Variants in PTPRD observed in about 807,000 individuals in gnomAD.
The protein encoded by PTPRD is protein tyrosine phosphatase receptor type D.
In PTPRD, 34 loss-of-function variants were observed where a neutral mutation model predicts 214.5. The ratio of observed to expected loss-of-function variants is 0.16; its 90% confidence interval spans 0.12 to 0.21. The LOEUF (loss-of-function observed/expected upper bound fraction) is 0.21. Among genes scored for constraint, PTPRD ranks in the 10% least tolerant of loss-of-function variants. PTPRD has a pLI of 1.00. For missense variants in PTPRD, 2,545 were observed against 2,398.7 expected, an observed-to-expected ratio of 1.06 and a Z score of -1.27; for synonymous variants, 1,128 against 845.7, an observed-to-expected ratio of 1.33 and a Z score of -5.79.
At chr9:9,155,069 C>T (rs61394292) in intron 10 of PTPRD, among the ~76,000 whole-genome samples, 8,906 of 152,108 alleles carry the variant, frequency 0.059, 480 homozygotes, top group East Asian at 0.21. Context: ...AATCAAATAA[C>T]GAGATCAAGA....
At chr9:9,969,167 G>C (rs528246262) in intron 4 of PTPRD, among the ~76,000 whole-genome samples, 1 of 152,178 alleles carries the variant, frequency 6.6e-6, no homozygotes, top group East Asian at 1.9e-4. Context: ...GAAATTAGGT[G>C]AAAGGATGAG....
chr9:9,967,265 C>A (rs1032743654), intron 4 of PTPRD, among the ~76,000 whole-genome samples: 1 of 151,322 alleles, frequency 6.6e-6, no homozygotes, highest in Non-Finnish European at 1.5e-5. Flanking sequence ...ATGCACTACA[C>A]TGAATGTTAG....
intron 3 of PTPRD, among the ~76,000 whole-genome samples, chr9:10,145,638 C>G (rs9695293): frequency 0.13 from 19,880 of 152,000 alleles, 1,637 homozygotes; most frequent in African/African-American, 0.22. Context: ...GGAGTAAAAA[C>G]TTATACATGG....
At chr9:9,028,260 C>G (rs1045113759) in intron 10 of PTPRD, among the ~76,000 whole-genome samples, 2 of 151,920 alleles carry the variant, frequency 1.3e-5, no homozygotes, top group Non-Finnish European at 2.9e-5. Flanking sequence ...TTGAAGCTCA[C>G]TAAATTATGT....
intron 9 of PTPRD, among the ~76,000 whole-genome samples, chr9:9,185,666 A>G (rs371157359): frequency 8.5e-5 from 13 of 152,188 alleles, no homozygotes; most frequent in African/African-American, 3.1e-4. Flanking sequence ...GAAAATCCTC[A>G]GGCTCTATTC....
intron 11 of PTPRD, among the ~76,000 whole-genome samples, chr9:8,762,724 C>T (rs1487758210): frequency 1.3e-5 from 2 of 152,168 alleles, no homozygotes; most frequent in Admixed American, 1.3e-4. Context: ...CTTTCTCCAC[C>T]TCCTCTGTTC....
chr9:9,221,517 G>C (rs1335767759), intron 9 of PTPRD, among the ~76,000 whole-genome samples: 1 of 152,064 alleles, frequency 6.6e-6, no homozygotes, highest in Non-Finnish European at 1.5e-5. Flanking sequence ...GGTGCTGGCT[G>C]ATTAGATCTC....
chr9:9,622,558 G>A (rs150593303), intron 7 of PTPRD, among the ~76,000 whole-genome samples: 59 of 152,092 alleles, frequency 3.9e-4, no homozygotes, highest in African/African-American at 1.3e-3. Flanking sequence ...TTTCTGATAC[G>A]CTGCATTTCC....
At chr9:10,418,619 T>G (rs2098517295) in intron 2 of PTPRD, among the ~76,000 whole-genome samples, 1 of 151,906 alleles carries the variant, frequency 6.6e-6, no homozygotes, top group African/African-American at 2.4e-5. Flanking sequence ...CACTCCCACT[T>G]CCACCCTAGA....
At chr9:9,414,023 AATGAGTATTGC>A (rs1284124640) in intron 8 of PTPRD, among the ~76,000 whole-genome samples, 1 of 152,224 alleles carries the variant, frequency 6.6e-6, no homozygotes, top group Non-Finnish European at 1.5e-5. Context: ...TTCCTTTAGA[AATGAGTATTGC>A]ATAGCTCTAT....
At position 9,705,653 on chromosome 9, in the gene PTPRD, A is replaced by G. The variant is rs111863559; in HGVS notation, c.-287+28880T>C. Reference sequence around the variant, plus strand: ...TAATGAAAATATTTTATCTTAAAATATATTTTAAAATAAATATACCTACTT... The same window carrying G: ...TAATGAAAATATTTTATCTTAAAATGTATTTTAAAATAAATATACCTACTT... On this transcript the variant is annotated intron_variant, in intron 7 of 45. Transcript: ENST00000381196. Among the ~76,000 whole-genome samples the G allele has an allele frequency of 7.5e-3, 1,141 of 152,250 alleles. 14 individuals carry two copies. Among genetic ancestry groups the G allele is most frequent in the African/African-American group, 0.026 (1,093 of 41,570 alleles).
chr9:9,578,904 A>T (rs773493868), intron 7 of PTPRD, among the ~76,000 whole-genome samples: 1 of 152,166 alleles, frequency 6.6e-6, no homozygotes, highest in African/African-American at 2.4e-5. Flanking sequence ...TACCAAACAT[A>T]TAATGTATGT....
intron 14 of PTPRD, among the ~76,000 whole-genome samples, chr9:8,535,679 G>C (rs2076756820): frequency 6.6e-6 from 1 of 151,856 alleles, no homozygotes; most frequent in Admixed American, 6.6e-5. Flanking sequence ...CTTTCTTAAA[G>C]AAAATAGTTT....
chr9:9,555,413 A>G (rs1192655999), intron 8 of PTPRD, among the ~76,000 whole-genome samples: 1 of 152,118 alleles, frequency 6.6e-6, no homozygotes, highest in Non-Finnish European at 1.5e-5. Context: ...GAGTTAGACA[A>G]GTATAAATAA....
At chr9:8,625,197 C>A (rs1296820261) in intron 14 of PTPRD, among the ~76,000 whole-genome samples, 1 of 150,892 alleles carries the variant, frequency 6.6e-6, no homozygotes, top group African/African-American at 2.4e-5. Flanking sequence ...TACAAACACA[C>A]TATATATATA....
At position 10,502,052 on chromosome 9, in the gene PTPRD, AT is replaced by A. The variant is rs200549445; in HGVS notation, c.-600+110345del. ...ACCAATAAGAAGAAAATCGAGCTTAATTTTTTTTAAGAAAATAGTGTGCTAT... is the reference window on the plus strand; with the variant it reads ...ACCAATAAGAAGAAAATCGAGCTTAATTTTTTTAAGAAAATAGTGTGCTAT... On this transcript the variant is annotated intron_variant, in intron 2 of 45. Transcript: ENST00000381196. Among the ~76,000 whole-genome samples the A allele has an allele frequency of 6.6e-5, 10 of 151,806 alleles. 1 individual carries two copies. The highest frequency in any genetic ancestry group is 2.2e-4 in the African/African-American group (9 of 41,484).
At chr9:9,598,792 T>A (rs190458417) in intron 7 of PTPRD, among the ~76,000 whole-genome samples, 1 of 152,060 alleles carries the variant, frequency 6.6e-6, no homozygotes, top group African/African-American at 2.4e-5. Context: ...CAGTGGCTTA[T>A]AAGAAAGTGA....
At chr9:9,818,281 T>C (rs569316254) in intron 5 of PTPRD, among the ~76,000 whole-genome samples, 1 of 152,284 alleles carries the variant, frequency 6.6e-6, no homozygotes, top group African/African-American at 2.4e-5. Flanking sequence ...CAATATTACA[T>C]AGCTGCCAAT....
intron 14 of PTPRD, among the ~76,000 whole-genome samples, chr9:8,598,405 G>T (rs1437219297): frequency 6.6e-6 from 1 of 151,946 alleles, no homozygotes; most frequent in African/African-American, 2.4e-5. Context: ...AGGCTGCAGT[G>T]AGCCGAGATC....
Sources: allele counts gnomAD v4.1 joint callset (sites outside exome capture counted in the v4.1 genomes callset), GRCh38; gene constraint gnomAD v4.1.1; transcripts MANE v1.5; gene names NCBI Gene and HGNC (gene_info 2026-07-23, HGNC 2026-07-21).